Variants in RBFOX1 observed in about 807,000 individuals in gnomAD.
RBFOX1 encodes the protein RNA binding protein fox-1 homolog 1.
RBFOX1 carries 8 observed loss-of-function variants against 57.7 expected under a neutral mutation model. The observed-to-expected ratio is 0.14, with a 90% CI of 0.08 to 0.25. The LOEUF is 0.25. Among genes scored for constraint, RBFOX1 ranks in the 10% least tolerant of loss-of-function variants. The probability of loss-of-function intolerance (pLI) is 1.00; values close to 1 mark genes in which losing one functional copy is unlikely to be tolerated. For missense variants in RBFOX1, 611 were observed against 548.5 expected (o/e 1.11, Z -1.14); for synonymous variants, 326 against 222.4 (o/e 1.47, Z -4.15).
intron 1 of RBFOX1, among the ~76,000 whole-genome samples, chr16:6,080,256 G>A (rs773957673): frequency 6.6e-6 from 1 of 152,056 alleles, no homozygotes; most frequent in African/African-American, 2.4e-5. Context: ...TGTTGATCTC[G>A]TGTGGATCAT....
At chr16:7,255,974 T>G (rs1006360686) in intron 4 of RBFOX1, among the ~76,000 whole-genome samples, 1 of 152,190 alleles carries the variant, frequency 6.6e-6, no homozygotes, top group Non-Finnish European at 1.5e-5. Flanking sequence ...GGTGATTATG[T>G]GTGTTGGTGT....
chr16:6,984,502 A>G (rs184249769), intron 3 of RBFOX1, among the ~76,000 whole-genome samples: 55 of 152,258 alleles, frequency 3.6e-4, no homozygotes, highest in African/African-American at 9.1e-4. Context: ...CTTGCAGCCT[A>G]AAGTCTCCTC....
chr16:6,450,517 T>C (rs769773311), intron 2 of RBFOX1, among the ~76,000 whole-genome samples: 3 of 151,356 alleles, frequency 2.0e-5, no homozygotes, highest in Non-Finnish European at 4.4e-5. Context: ...CAGCAGGAAA[T>C]GTTGGCCTCT....
At chr16:6,526,962 A>G (rs1339223592) in intron 2 of RBFOX1, among the ~76,000 whole-genome samples, 1 of 152,000 alleles carries the variant, frequency 6.6e-6, no homozygotes, top group Non-Finnish European at 1.5e-5. Flanking sequence ...ACCCAAGATC[A>G]CATGCCTGTG....
At chr16:6,087,239 G>A (rs1036736876) in intron 1 of RBFOX1, among the ~76,000 whole-genome samples, 7 of 152,180 alleles carry the variant, frequency 4.6e-5, no homozygotes, top group African/African-American at 7.2e-5. Context: ...TAGGTCCAAC[G>A]AAAAGGTGTT....
chr16:5,544,942 T>G (rs1245565873), intron 2 of RBFOX1, among the ~76,000 whole-genome samples: 1 of 140,294 alleles, frequency 7.1e-6, no homozygotes, highest in Non-Finnish European at 1.6e-5. Context: ...ATGGCCTTAC[T>G]ATTACATTCT....
chr16:7,704,747 C>T (rs1378367942), intron 14 of RBFOX1, among the ~76,000 whole-genome samples: 2 of 152,060 alleles, frequency 1.3e-5, no homozygotes, highest in Non-Finnish European at 2.9e-5. Flanking sequence ...TTGGAAAGTG[C>T]CCTTAAAAAT....
intron 2 of RBFOX1, among the ~76,000 whole-genome samples, chr16:6,370,362 GAAAAAAAAAAAAAAAAAAAAA>G (rs71145221): frequency 2.4e-5 from 2 of 81,976 alleles, no homozygotes; most frequent in African/African-American, 9.7e-5. Context: ...CGTCTCAAAA[GAAAAAAAAAAAAAAAAAAAAA>G]AAAAAAAAGA....
At chr16:7,549,929 T>G (rs1041594933) in intron 5 of RBFOX1, among the ~76,000 whole-genome samples, 3 of 152,104 alleles carry the variant, frequency 2.0e-5, no homozygotes, top group African/African-American at 7.2e-5. Context: ...TCTCTTTTTC[T>G]TTTTCTTTTA....
intron 3 of RBFOX1, among the ~76,000 whole-genome samples, chr16:6,829,877 C>T (rs1367639108): frequency 6.6e-6 from 1 of 152,140 alleles, no homozygotes; most frequent in African/African-American, 2.4e-5. Context: ...GCTGGGATTA[C>T]AGGTGTAAAC....
At chr16:6,598,112 A>G (rs1031843479) in intron 2 of RBFOX1, among the ~76,000 whole-genome samples, 5 of 152,234 alleles carry the variant, frequency 3.3e-5, no homozygotes, top group African/African-American at 7.2e-5. Flanking sequence ...AGATGCACCT[A>G]TACATATACC....
At chr16:6,847,476 C>A (rs1165598685) in intron 3 of RBFOX1, among the ~76,000 whole-genome samples, 1 of 152,040 alleles carries the variant, frequency 6.6e-6, no homozygotes, top group Non-Finnish European at 1.5e-5. Flanking sequence ...AGGGGGTGGG[C>A]TGGAATCCTT....
intron 3 of RBFOX1, among the ~76,000 whole-genome samples, chr16:6,772,176 T>A (rs570619681): frequency 6.6e-6 from 1 of 152,116 alleles, no homozygotes; most frequent in East Asian, 1.9e-4. Context: ...CAAAGAGGAA[T>A]GAATGATTGA....
At chr16:6,859,127 A>ATATATATATATATATATG (rs1555536694) in intron 3 of RBFOX1, among the ~76,000 whole-genome samples, 10 of 67,888 alleles carry the variant, frequency 1.5e-4, no homozygotes, top group African/African-American at 1.0e-3. Context: ...ATATATATAT[A>ATATATATATATATATATG]TACATATATA....
intron 1 of RBFOX1, among the ~76,000 whole-genome samples, chr16:6,245,721 C>T (rs1227989699): frequency 1.3e-5 from 2 of 152,134 alleles, no homozygotes; most frequent in Non-Finnish European, 2.9e-5. Flanking sequence ...CACAAAAGCT[C>T]TGAGAACTAA....
chr16:6,481,365 G>T (rs1270564597), intron 2 of RBFOX1, among the ~76,000 whole-genome samples: 1 of 152,204 alleles, frequency 6.6e-6, no homozygotes, highest in African/African-American at 2.4e-5. Flanking sequence ...CAATAACCAG[G>T]TCTGGCAACA....
intron 4 of RBFOX1, among the ~76,000 whole-genome samples, chr16:7,113,490 G>A (rs1419025434): frequency 6.6e-6 from 1 of 152,114 alleles, no homozygotes; most frequent in Non-Finnish European, 1.5e-5. Flanking sequence ...GTATTTGGTT[G>A]AATCAGATTC....
intron 2 of RBFOX1, among the ~76,000 whole-genome samples, chr16:6,374,324 A>G (rs1200276031): frequency 2.0e-5 from 3 of 152,230 alleles, no homozygotes; most frequent in African/African-American, 7.2e-5. Context: ...TCATTTTGTG[A>G]TCAGGCAATT....
intron 3 of RBFOX1, among the ~76,000 whole-genome samples, chr16:5,738,635 GAAAA>G (rs61011633): frequency 4.9e-5 from 3 of 61,192 alleles, no homozygotes; most frequent in East Asian, 4.7e-4. Flanking sequence ...CTCTGTCTCA[GAAAA>G]AAAAAAAAAA....
Sources: allele counts gnomAD v4.1 joint callset (sites outside exome capture counted in the v4.1 genomes callset), GRCh38; gene constraint gnomAD v4.1.1; transcripts MANE v1.5; gene names NCBI Gene and HGNC (gene_info 2026-07-23, HGNC 2026-07-21).